Variants in CTH observed in about 807,000 individuals in gnomAD.
CTH encodes the protein cystathionine gamma-lyase, also known as cystathionase (cystathionine gamma-lyase).
CTH carries 41 observed loss-of-function variants against 50.6 expected under a neutral mutation model. That is an observed-to-expected ratio of 0.81 (90% CI 0.63 to 1.05). CTH has a LOEUF of 1.05. Ranked by LOEUF, CTH falls within the 50% of genes least tolerant of loss-of-function variation. The pLI is 0.00. For synonymous variants in CTH, 156 were observed against 168.9 expected, an observed-to-expected ratio of 0.92 and a Z score of 0.59; for missense variants, 470 against 492.6, an observed-to-expected ratio of 0.95 and a Z score of 0.43.
chr1:70,435,123 A>G lies in CTH; in HGVS notation c.1000-2A>G, dbSNP rs141904597. On this transcript the variant is annotated splice_acceptor_variant, in intron 9 of 11. Transcript: ENST00000370938. LOFTEE classifies it high-confidence loss of function. ...TCTAAATTCATGTTTTCTTTGCTAT[A>G]GCTATTTACTCTGGCCGAGAGCTTG... The G allele has an allele frequency of 6.2e-7, 1 of 1,611,794 alleles. No individual in the cohort carries two copies. Among genetic ancestry groups the G allele is most frequent in the East Asian group, 2.2e-5 (1 of 44,796 alleles).
At chr1:70,428,771 C>T (rs1007185329) in intron 5 of CTH, among the ~76,000 whole-genome samples, 1 of 151,804 alleles carries the variant, frequency 6.6e-6, no homozygotes, top group Non-Finnish European at 1.5e-5. Flanking sequence ...CCACCATGCT[C>T]AGCTAATTTT....
chr1:70,424,326 G>A lies in CTH; in HGVS notation c.498G>A (p.Val166=), dbSNP rs751141505. 2 of 1,614,112 alleles carry A rather than the reference G, an allele frequency of 1.2e-6. No individual in the cohort carries two copies. The highest frequency in any genetic ancestry group is 1.7e-6 in the Non-Finnish European group (2 of 1,180,014). The change falls in exon 5 of 12, where the codon GTG becomes GTA. Residue 166 remains valine, a synonymous_variant. Transcript: ENST00000370938. The stretch of plus-strand genomic sequence containing the variant: ...CCCCCACAAACCCCACCCAGAAGGT[G>A]ATTGACATTGAAGGCTGTGCACATA... The part of the protein sequence containing the change: ...IETPTNPTQK[V]IDIEGCAHIV...
intron 1 of CTH, among the ~76,000 whole-genome samples, chr1:70,413,494 G>A (rs1282580402): frequency 6.6e-6 from 1 of 151,568 alleles, no homozygotes; most frequent in Non-Finnish European, 1.5e-5. Flanking sequence ...TTGAACTCCT[G>A]ACCTCGTGAT....
intron 8 of CTH, 150 bp downstream of exon 8, chr1:70,432,385 T>TG: frequency 1.1e-6 from 1 of 948,168 alleles, no homozygotes; most frequent in East Asian, 2.6e-5. Context: ...TCAGGCTCTG[T>TG]GGTGGGTCAG....
chr1:70,420,959 T>C (rs913922964), intron 3 of CTH, among the ~76,000 whole-genome samples: 1 of 152,148 alleles, frequency 6.6e-6, no homozygotes. Flanking sequence ...TTATTGAGTA[T>C]CAATATCAAT....
intron 1 of CTH, among the ~76,000 whole-genome samples, chr1:70,413,259 CT>C (rs11295998): frequency 0.047 from 6,495 of 139,068 alleles, 128 homozygotes; most frequent in South Asian, 0.14. Flanking sequence ...TTCTTTCTTT[CT>C]TTTTTTTTTT....
chr1:70,427,904 G>T (rs895920087), intron 5 of CTH, among the ~76,000 whole-genome samples: 1 of 152,000 alleles, frequency 6.6e-6, no homozygotes, highest in East Asian at 1.9e-4. Context: ...GTAGAGATGG[G>T]GTTTCACCAT....
At chr1:70,434,045 T>C in intron 9 of CTH, 96 bp downstream of exon 9, 1 of 1,572,410 alleles carries the variant, frequency 6.4e-7, no homozygotes, top group East Asian at 2.3e-5. Flanking sequence ...TGTTTTTGTA[T>C]CTGCAGGTTA....
At chr1:70,424,612 C>T (rs534074424) in intron 5 of CTH, among the ~76,000 whole-genome samples, 196 bp downstream of exon 5, 1 of 152,238 alleles carries the variant, frequency 6.6e-6, no homozygotes, top group East Asian at 1.9e-4. Context: ...TGTTAATATC[C>T]TCTATGTTAC....
chr1:70,433,838 T>C lies in CTH; in HGVS notation c.888T>C (p.Ser296=). The change falls in exon 9 of 12, where the codon TCT becomes TCC. Residue 296 remains serine (S), a synonymous_variant. Coordinates refer to ENST00000370938, the MANE Select transcript of CTH (RefSeq NM_001902.6). ...ACCTTATGATTACAGGGCTGCCCTC[T>C]CATCCACAGCATGAGTTGGTGAAGC... ...VEKVIYPGLP[S]HPQHELVKRQ... The C allele has an allele frequency of 6.2e-7, 1 of 1,614,010 alleles. No homozygotes were observed. The highest frequency in any genetic ancestry group is 1.3e-5 in the African/African-American group (1 of 75,016).
rs1684424879 is a variant in CTH, at chr1:70,429,821, T to G, written c.616T>G (p.Ser206Ala). The G allele has an allele frequency of 6.2e-7, 1 of 1,613,208 alleles. No individual in the cohort carries two copies. Among genetic ancestry groups the G allele is most frequent in the African/African-American group, 1.3e-5 (1 of 74,942 alleles). ...CCCTTTGGCTCTGGGAGCTGATATTTCTATGTATTCTGCAACAAAATACAT... is the reference window on the plus strand; with the variant it reads ...CCCTTTGGCTCTGGGAGCTGATATTGCTATGTATTCTGCAACAAAATACAT... ...QRPLALGADI[S>A]MYSATKYMNG... Residue 206 changes from serine (S) to alanine (A), a missense_variant, in exon 6 of 12, where the codon TCT (serine) becomes GCT (alanine). Transcript: ENST00000370938.
chr1:70,420,827 T>C (rs577178466), intron 3 of CTH, among the ~76,000 whole-genome samples: 7 of 152,258 alleles, frequency 4.6e-5, no homozygotes, highest in South Asian at 2.1e-4. Flanking sequence ...ATCCTGAAAA[T>C]TGTTGATTTT....
chr1:70,435,822 G>T (rs1684585385), intron 10 of CTH, among the ~76,000 whole-genome samples: 1 of 152,058 alleles, frequency 6.6e-6, no homozygotes, highest in South Asian at 2.1e-4. Context: ...TATTTTACAG[G>T]CAAGGAAACA....
chr1:70,434,524 T>C (rs1572271279), intron 9 of CTH, among the ~76,000 whole-genome samples: 1 of 152,092 alleles, frequency 6.6e-6, no homozygotes, highest in East Asian at 1.9e-4. Flanking sequence ...CTTAATTTAA[T>C]ACATTTACCA....
At position 70,421,570 on chromosome 1, in the gene CTH, A is replaced by G; in HGVS notation, c.351A>G (p.Thr117=). ...TCTGATTCCCTTCTGTCTCAGGTAC[A>G]AACAGGTACTTCAGGCAAGTGGCAT... The part of the protein sequence containing the change: ...IICMDDVYGG[T]NRYFRQVASE... Residue 117 remains threonine (T), a synonymous_variant, in exon 4 of 12, where the codon ACA becomes ACG. Transcript: ENST00000370938. 5.0e-6 allele frequency: 8 copies of G among 1,613,876 alleles called. No homozygotes were observed. The Admixed American group carries it at 1.0e-4, about 20-fold the overall frequency.
rs753307642 is a variant in CTH at position 70,411,395 on chromosome 1, C to G, written c.-21C>G. 6.2e-7 allele frequency: 1 copy of G among 1,613,348 alleles called. No homozygotes were observed. Among genetic ancestry groups the G allele is most frequent in the East Asian group, 2.2e-5 (1 of 44,886 alleles). ...TATATCTTCGGTGTTCTTTTCCTCT[C>G]TTCTTCTTTCGCGGTTCAGCATGCA... On this transcript the variant is annotated 5_prime_UTR_variant, in exon 1 of 12. Transcript: ENST00000370938.
At chr1:70,415,154 A>G (rs544361646) in intron 1 of CTH, among the ~76,000 whole-genome samples, 39 of 152,312 alleles carry the variant, frequency 2.6e-4, no homozygotes, top group African/African-American at 7.2e-4. Flanking sequence ...TAATCTCAGC[A>G]CTTTGGGAGA....
Position 70,418,646 on chromosome 1 carries a change from T to G in CTH, c.346+614T>G, listed in dbSNP as rs140503706. On this transcript the variant is annotated intron_variant, in intron 3 of 11. Coordinates refer to ENST00000370938, the MANE Select transcript of CTH (RefSeq NM_001902.6). Reference sequence around the variant, plus strand: ...TATTCTGCTCTAGAGAAGATAAGGTTTAGAGAGACAGTGTTCTCCTGTAAC... The same window carrying G: ...TATTCTGCTCTAGAGAAGATAAGGTGTAGAGAGACAGTGTTCTCCTGTAAC... 8.0e-3 allele frequency among the ~76,000 whole-genome samples: 1,221 copies of G among 152,348 alleles called. 7 individuals are homozygous for G. Among genetic ancestry groups the G allele is most frequent in the African/African-American group, 0.027 (1,141 of 41,574 alleles).
At chr1:70,435,401 C>T (rs952414029) in intron 10 of CTH, among the ~76,000 whole-genome samples, 1 of 152,026 alleles carries the variant, frequency 6.6e-6, no homozygotes, top group Non-Finnish European at 1.5e-5. Flanking sequence ...GCTTCCTTCC[C>T]TGCTCTGTCA....
Sources: allele counts gnomAD v4.1 joint callset (sites outside exome capture counted in the v4.1 genomes callset), GRCh38; gene constraint gnomAD v4.1.1; transcripts MANE v1.5; gene names NCBI Gene and HGNC (gene_info 2026-07-23, HGNC 2026-07-21).